Variants in PACRG observed in about 807,000 individuals in gnomAD.
The protein encoded by PACRG is parkin coregulated gene protein.
A neutral mutation model predicts 29.7 loss-of-function variants in PACRG; 29 were observed. The ratio of observed to expected loss-of-function variants is 0.98; its 90% CI spans 0.73 to 1.33. The LOEUF is 1.33. PACRG is among the 40% of genes most tolerant of loss of function. The pLI is 0.00. For missense variants in PACRG, 279 were observed against 316.2 expected (o/e 0.88, Z 0.89); for synonymous variants, 116 against 118.7 (o/e 0.98, Z 0.15).
At chr6:163,294,895 A>G (rs770009910) in intron 4 of PACRG, among the ~76,000 whole-genome samples, 7 of 152,220 alleles carry the variant, frequency 4.6e-5, no homozygotes, top group Admixed American at 4.6e-4. Context: ...GCATCTATAA[A>G]GACATTTCAT....
chr6:162,783,651 G>C (rs1784253102), intron 1 of PACRG, among the ~76,000 whole-genome samples: 1 of 151,924 alleles, frequency 6.6e-6, no homozygotes, highest in African/African-American at 2.4e-5. Context: ...AATATGCTAT[G>C]ATAATTATTC....
At chr6:163,297,130 G>C (rs946910182) in intron 4 of PACRG, among the ~76,000 whole-genome samples, 6 of 152,128 alleles carry the variant, frequency 3.9e-5, no homozygotes, top group Non-Finnish European at 8.8e-5. Context: ...TTCCTGCGAC[G>C]AAGCTTTGTT....
At chr6:163,075,821 A>T (rs1812485408) in intron 3 of PACRG, among the ~76,000 whole-genome samples, 1 of 152,250 alleles carries the variant, frequency 6.6e-6, no homozygotes, top group South Asian at 2.1e-4. Flanking sequence ...TTAGGGGCTT[A>T]AAACAATACA....
chr6:162,786,096 G>A (rs1312418875), intron 1 of PACRG, among the ~76,000 whole-genome samples: 1 of 152,216 alleles, frequency 6.6e-6, no homozygotes, highest in Non-Finnish European at 1.5e-5. Context: ...TTCCACCATA[G>A]TGTGTTGACA....
At chr6:163,248,933 G>A (rs1057343674) in intron 4 of PACRG, among the ~76,000 whole-genome samples, 3 of 150,544 alleles carry the variant, frequency 2.0e-5, no homozygotes, top group Non-Finnish European at 2.9e-5. Flanking sequence ...GGAGAATGGC[G>A]TGAACCCGGG....
chr6:162,815,241 T>C (rs961570098), intron 2 of PACRG, among the ~76,000 whole-genome samples: 2 of 152,056 alleles, frequency 1.3e-5, no homozygotes, highest in Admixed American at 1.3e-4. Flanking sequence ...CCAGCAGTCG[T>C]GACCAAAAGC....
At chr6:162,892,451 C>G (rs1308334047) in intron 2 of PACRG, among the ~76,000 whole-genome samples, 2 of 152,216 alleles carry the variant, frequency 1.3e-5, no homozygotes, top group African/African-American at 4.8e-5. Flanking sequence ...AAGGAATCAT[C>G]TAGATCTATT....
intron 2 of PACRG, among the ~76,000 whole-genome samples, chr6:162,948,084 C>A (rs565425104): frequency 6.6e-6 from 1 of 151,952 alleles, no homozygotes; most frequent in African/African-American, 2.4e-5. Context: ...CCTGAATAGC[C>A]GAAGCAATCC....
intron 4 of PACRG, among the ~76,000 whole-genome samples, chr6:163,131,563 A>G (rs1440407415): frequency 1.3e-5 from 2 of 152,104 alleles, no homozygotes; most frequent in African/African-American, 4.8e-5. Flanking sequence ...TTGATTTTAC[A>G]CTATGAGACA....
chr6:162,773,681 A>T (rs1783419038), intron 1 of PACRG, among the ~76,000 whole-genome samples: 1 of 151,214 alleles, frequency 6.6e-6, no homozygotes, highest in South Asian at 2.1e-4. Context: ...CGCCCGGCTA[A>T]TTTTTTTGTA....
chr6:162,868,846 C>T (rs907264621), intron 2 of PACRG, among the ~76,000 whole-genome samples: 1 of 152,052 alleles, frequency 6.6e-6, no homozygotes, highest in African/African-American at 2.4e-5. Flanking sequence ...GCTCTTTGAA[C>T]TCTGCACTAG....
chr6:163,166,835 C>A (rs1161840789), intron 4 of PACRG, among the ~76,000 whole-genome samples: 1 of 152,152 alleles, frequency 6.6e-6, no homozygotes. Flanking sequence ...TAAAATTGGA[C>A]AAAATTCCAT....
intron 2 of PACRG, chr6:162,957,677 T>A (rs1355714374): frequency 6.5e-6 from 1 of 153,654 alleles, no homozygotes; most frequent in Non-Finnish European, 1.4e-5. Flanking sequence ...GTTTACTTTT[T>A]TTTTTGTCTC....
chr6:163,076,693 C>T (rs1812578472), intron 3 of PACRG, among the ~76,000 whole-genome samples: 1 of 152,202 alleles, frequency 6.6e-6, no homozygotes, highest in African/African-American at 2.4e-5. Flanking sequence ...TTGCACTTTT[C>T]TAATTCTTTG....
At chr6:163,292,571 A>G (rs1358839095) in intron 4 of PACRG, among the ~76,000 whole-genome samples, 1 of 72,594 alleles carries the variant, frequency 1.4e-5, no homozygotes. Flanking sequence ...CAGCTAATTT[A>G]TGTATTATTT....
intron 1 of PACRG, among the ~76,000 whole-genome samples, chr6:162,795,789 C>CT (rs939919955): frequency 1.3e-5 from 2 of 152,090 alleles, no homozygotes; most frequent in African/African-American, 4.8e-5. Flanking sequence ...TTCAAAACTT[C>CT]TTCAAATAGA....
At chr6:162,965,825 G>C (rs1800976759) in intron 2 of PACRG, among the ~76,000 whole-genome samples, 1 of 152,224 alleles carries the variant, frequency 6.6e-6, no homozygotes, top group Non-Finnish European at 1.5e-5. Context: ...TTCACCCACT[G>C]ACCTCTTCTT....
At chr6:162,933,638 T>A (rs1335152511) in intron 2 of PACRG, among the ~76,000 whole-genome samples, 1 of 150,730 alleles carries the variant, frequency 6.6e-6, no homozygotes, top group Non-Finnish European at 1.5e-5. Flanking sequence ...TAAAGTCTGT[T>A]TTGTTTGATA....
intron 3 of PACRG, 44 bp downstream of exon 3, chr6:163,062,365 T>C: frequency 6.5e-7 from 1 of 1,545,168 alleles, no homozygotes; most frequent in Non-Finnish European, 8.7e-7. Flanking sequence ...TATACGGTGT[T>C]GCTTTTTGAC....
Sources: allele counts gnomAD v4.1 joint callset (sites outside exome capture counted in the v4.1 genomes callset), GRCh38; gene constraint gnomAD v4.1.1; transcripts MANE v1.5; gene names NCBI Gene and HGNC (gene_info 2026-07-23, HGNC 2026-07-21).